Variants in SLC12A1 observed in about 807,000 individuals in gnomAD.
SLC12A1 encodes Na-K-2Cl cotransporter.
In SLC12A1, 89 loss-of-function variants were observed where a neutral mutation model predicts 130.4. The observed-to-expected ratio is 0.68, with a 90% CI of 0.58 to 0.81. The LOEUF (loss-of-function observed/expected upper bound fraction) is 0.81. Among genes scored for constraint, SLC12A1 ranks in the 40% least tolerant of loss-of-function variants. The probability of loss-of-function intolerance (pLI) is 0.00; values close to 1 mark genes in which losing one functional copy is unlikely to be tolerated. For synonymous variants in SLC12A1, 499 were observed against 460.0 expected, an observed-to-expected ratio of 1.08 and a Z score of -1.09; for missense variants, 1,310 against 1,336.4, an observed-to-expected ratio of 0.98 and a Z score of 0.31.
chr15:48,270,405 G>C (rs552058642), intron 19 of SLC12A1, among the ~76,000 whole-genome samples: 1 of 151,802 alleles, frequency 6.6e-6, no homozygotes, highest in Admixed American at 6.6e-5. Flanking sequence ...AGAAGATTTC[G>C]AAGGAAGTAC....
chr15:48,226,647 T>C (rs2041291868), intron 5 of SLC12A1, 76 bp downstream of exon 5: 3 of 882,652 alleles, frequency 3.4e-6, no homozygotes, highest in African/African-American at 1.7e-5. Context: ...TTCTTTTTGA[T>C]GGGAACAAGG....
Position 48,269,762 on chromosome 15 carries a change from AC to A in SLC12A1, c.2401del (p.His801MetfsTer12). 9 of 1,551,790 alleles carry A rather than the reference AC, an allele frequency of 5.8e-6. No homozygotes were observed. The highest frequency in any genetic ancestry group is 8.0e-6 in the Non-Finnish European group (9 of 1,123,864). ...TEIENYVGII[H>X]DAFDFEIGVV... The stretch of plus-strand genomic sequence containing the variant: ...AGATTGAGAACTACGTGGGAATCAT[AC>A]AGTAAGTGATGGCTTTCAAGACGTG... On this transcript the variant is annotated frameshift_variant and splice_region_variant, in exon 19 of 27. Transcript: ENST00000380993. LOFTEE classifies it high-confidence loss of function.
At chr15:48,243,488 T>G (rs931955643) in intron 10 of SLC12A1, among the ~76,000 whole-genome samples, 1 of 152,042 alleles carries the variant, frequency 6.6e-6, no homozygotes, top group African/African-American at 2.4e-5. Context: ...AAACCCCATC[T>G]CTACTAAAAA....
intron 14 of SLC12A1, among the ~76,000 whole-genome samples, chr15:48,250,126 G>T (rs969480048): frequency 7.2e-5 from 11 of 152,184 alleles, no homozygotes; most frequent in African/African-American, 2.4e-4. Flanking sequence ...AGGCTGCATT[G>T]ATGCTGGTGG....
chr15:48,220,792 G>A (rs1218852422), intron 3 of SLC12A1, 27 bp downstream of exon 3: 1 of 1,613,882 alleles, frequency 6.2e-7, no homozygotes, highest in African/African-American at 1.3e-5. Context: ...GTTTACAAAT[G>A]AAAACTATCC....
chr15:48,240,931 C>A (rs536756909), intron 9 of SLC12A1, among the ~76,000 whole-genome samples: 49 of 152,200 alleles, frequency 3.2e-4, no homozygotes, highest in African/African-American at 1.2e-3. Context: ...CTGGTTTAAG[C>A]TTGAATTTGC....
chr15:48,255,777 T>G, intron 15 of SLC12A1, 34 bp from the exon 16 acceptor site: 2 of 1,313,302 alleles, frequency 1.5e-6, no homozygotes, highest in Non-Finnish European at 2.2e-6. Context: ...GAAAGGTCAG[T>G]GTTTTTTATG....
intron 2 of SLC12A1, among the ~76,000 whole-genome samples, chr15:48,219,827 C>T (rs1043321089): frequency 4.0e-5 from 6 of 151,854 alleles, no homozygotes; most frequent in African/African-American, 4.8e-5. Context: ...CCGAGGCAGG[C>T]GGATTGCCTG....
intron 8 of SLC12A1, 76 bp downstream of exon 8, chr15:48,232,914 A>G: frequency 1.2e-6 from 1 of 851,240 alleles, no homozygotes; most frequent in Non-Finnish European, 1.9e-6. Context: ...CATCAACCCA[A>G]CCCCAGCCTT....
At chr15:48,226,451 A>G (rs369499083) in intron 4 of SLC12A1, 25 bp from the exon 5 acceptor site, 1 of 1,378,886 alleles carries the variant, frequency 7.3e-7, no homozygotes. Context: ...AAAATGCAAT[A>G]TCTTCTATCT....
chr15:48,209,587 A>T (rs766516240), intron 2 of SLC12A1, among the ~76,000 whole-genome samples: 2 of 152,198 alleles, frequency 1.3e-5, no homozygotes, highest in Non-Finnish European at 2.9e-5. Context: ...TTCCTTTTGT[A>T]TGCATTCATC....
intron 20 of SLC12A1, among the ~76,000 whole-genome samples, chr15:48,275,095 TA>T: frequency 6.6e-6 from 1 of 152,358 alleles, no homozygotes; most frequent in African/African-American, 2.4e-5. Flanking sequence ...TGTGAATCAC[TA>T]ATCTAAGTCA....
At chr15:48,261,200 C>T (rs1403859397) in intron 17 of SLC12A1, among the ~76,000 whole-genome samples, 1 of 152,136 alleles carries the variant, frequency 6.6e-6, no homozygotes, top group Admixed American at 6.5e-5. Flanking sequence ...CTAAGTTTAG[C>T]AGGCAATAAA....
intron 11 of SLC12A1, among the ~76,000 whole-genome samples, chr15:48,245,795 T>G (rs148974552): frequency 7.2e-5 from 11 of 152,350 alleles, no homozygotes; most frequent in South Asian, 2.1e-4. Flanking sequence ...AGTAAAGAGA[T>G]TGCTCGGTCA....
At chr15:48,296,958 T>C (rs1215673671) in intron 24 of SLC12A1, among the ~76,000 whole-genome samples, 3 of 152,182 alleles carry the variant, frequency 2.0e-5, no homozygotes, top group African/African-American at 7.2e-5. Flanking sequence ...CCTGTGTCAC[T>C]TAGCATGTTT....
At chr15:48,265,792 G>T (rs561362720) in intron 17 of SLC12A1, among the ~76,000 whole-genome samples, 7 of 152,142 alleles carry the variant, frequency 4.6e-5, no homozygotes, top group African/African-American at 1.7e-4. Flanking sequence ...AAAATGGAAG[G>T]GACCCCAGAG....
intron 15 of SLC12A1, among the ~76,000 whole-genome samples, chr15:48,253,643 G>T (rs1008202191): frequency 6.6e-6 from 1 of 152,012 alleles, no homozygotes; most frequent in African/African-American, 2.4e-5. Context: ...CACTTTATGT[G>T]GACTTATGTT....
At chr15:48,281,994 A>T (rs1483375397) in intron 20 of SLC12A1, among the ~76,000 whole-genome samples, 1 of 152,194 alleles carries the variant, frequency 6.6e-6, no homozygotes, top group Non-Finnish European at 1.5e-5. Context: ...ATTCAGAAGA[A>T]CAGATAATCA....
intron 14 of SLC12A1, among the ~76,000 whole-genome samples, chr15:48,250,935 G>A (rs2041641365): frequency 6.6e-6 from 1 of 151,956 alleles, no homozygotes; most frequent in Non-Finnish European, 1.5e-5. Flanking sequence ...TCCATTTCAG[G>A]GAACTAAAAG....
Sources: allele counts gnomAD v4.1 joint callset (sites outside exome capture counted in the v4.1 genomes callset), GRCh38; gene constraint gnomAD v4.1.1; transcripts MANE v1.5; gene names NCBI Gene and HGNC (gene_info 2026-07-23, HGNC 2026-07-21).